SEC63: variants seen among roughly 807,000 people sequenced by gnomAD.
SEC63 encodes SEC63 protein translocation regulator, also known as translocation protein SEC63 homolog.
Under a neutral mutation model 116.2 loss-of-function variants are expected in SEC63, and 56 were observed. The observed-to-expected ratio is 0.48, with a 90% CI of 0.39 to 0.60. SEC63 has a LOEUF of 0.60. Among genes scored for constraint, SEC63 ranks in the 20% least tolerant of loss-of-function variants. SEC63 has a pLI of 0.00. For synonymous variants in SEC63, 273 were observed against 294.6 expected (o/e 0.93, Z 0.75); for missense variants, 668 against 900.0 (o/e 0.74, Z 3.30).
At chr6:107,919,386 G>A (rs1374205980) in intron 4 of SEC63, among the ~76,000 whole-genome samples, 1 of 152,204 alleles carries the variant, frequency 6.6e-6, no homozygotes, top group African/African-American at 2.4e-5. Context: ...TCTTATAGTT[G>A]AGCAAAGTAG....
chr6:107,876,514 G>A, intron 19 of SEC63, 50 bp downstream of exon 19: 2 of 1,054,430 alleles, frequency 1.9e-6, no homozygotes, highest in Non-Finnish European at 3.0e-6. Flanking sequence ...CAGCATGATG[G>A]TGACAGCTGT....
At chr6:107,941,555 G>GA (rs1365266458) in intron 1 of SEC63, among the ~76,000 whole-genome samples, 1 of 151,778 alleles carries the variant, frequency 6.6e-6, no homozygotes, top group South Asian at 2.1e-4. Flanking sequence ...TACAGTGGAA[G>GA]AAAAAAATCC....
chr6:107,907,323 C>A (rs1787169221), intron 8 of SEC63, among the ~76,000 whole-genome samples: 1 of 151,870 alleles, frequency 6.6e-6, no homozygotes, highest in African/African-American at 2.4e-5. Context: ...AATCCCAGCA[C>A]TTTGGGAGGC....
intron 1 of SEC63, among the ~76,000 whole-genome samples, chr6:107,938,413 A>G (rs2818200): frequency 0.98 from 148,353 of 151,862 alleles, 72,502 homozygotes; most frequent in African/African-American, 0.99. Context: ...ACTATGCCTG[A>G]CTAATTTTTT....
At chr6:107,919,821 CA>C (rs558973753) in intron 4 of SEC63, among the ~76,000 whole-genome samples, 203 of 129,170 alleles carry the variant, frequency 1.6e-3, no homozygotes, top group Non-Finnish European at 1.6e-3. Flanking sequence ...GACTCCATCT[CA>C]AAAAAAAAAA....
At chr6:107,947,498 G>C (rs1770501105) in intron 1 of SEC63, among the ~76,000 whole-genome samples, 1 of 151,914 alleles carries the variant, frequency 6.6e-6, no homozygotes, top group African/African-American at 2.4e-5. Flanking sequence ...GCTCAGCCCA[G>C]GAGATTGAGG....
chr6:107,951,771 C>T (rs1173127123), intron 1 of SEC63, among the ~76,000 whole-genome samples: 1 of 151,658 alleles, frequency 6.6e-6, no homozygotes, highest in Non-Finnish European at 1.5e-5. Flanking sequence ...ATCATGAGGT[C>T]AGGAGATCAA....
chr6:107,913,849 T>A (rs1331162251), intron 4 of SEC63, among the ~76,000 whole-genome samples: 3 of 152,214 alleles, frequency 2.0e-5, no homozygotes, highest in Admixed American at 6.5e-5. Flanking sequence ...TAAATACACA[T>A]TTTTTAAAAA....
At chr6:107,927,484 TAA>T (rs1787701841) in intron 2 of SEC63, among the ~76,000 whole-genome samples, 1 of 152,232 alleles carries the variant, frequency 6.6e-6, no homozygotes, top group Admixed American at 6.5e-5. Context: ...GATTAAGTAG[TAA>T]AAGTTTTAAT....
chr6:107,953,380 G>A (rs1364932448), intron 1 of SEC63, among the ~76,000 whole-genome samples: 4 of 152,212 alleles, frequency 2.6e-5, no homozygotes, highest in Admixed American at 6.5e-5. Context: ...GATTTGCCCC[G>A]TCCGGGAAGG....
chr6:107,921,917 A>G lies in SEC63; in HGVS notation c.340-8T>C, dbSNP rs1569556. 215 of 389,530 alleles carry G rather than the reference A, an allele frequency of 5.5e-4. 2 individuals carry two copies. Among genetic ancestry groups the G allele is most frequent in the Non-Finnish European group, 7.4e-5 (21 of 283,870 alleles). 24.1% of individuals were successfully genotyped at this position (389,530 alleles called of 1,614,324 possible). On this transcript the variant is annotated splice_region_variant and splice_polypyrimidine_tract_variant and intron_variant, in intron 3 of 20. Transcript: ENST00000369002. ...TTCTGCTACTGTGGCTCCCTGGGGA[A>G]AAACAAAAAAAAAAAACAAGCTTTC... is the stretch of plus-strand genomic sequence containing the variant.
chr6:107,894,915 T>A (rs969886940), intron 14 of SEC63, among the ~76,000 whole-genome samples: 4 of 152,082 alleles, frequency 2.6e-5, no homozygotes, highest in Non-Finnish European at 5.9e-5. Flanking sequence ...AAAACAAAGC[T>A]TTACTGGAAC....
intron 8 of SEC63, among the ~76,000 whole-genome samples, chr6:107,908,675 C>G (rs1270055333): frequency 6.6e-6 from 1 of 152,080 alleles, no homozygotes; most frequent in Non-Finnish European, 1.5e-5. Flanking sequence ...GCTAGAATTA[C>G]AAAATTTGCA....
intron 15 of SEC63, 44 bp from the exon 16 acceptor site, chr6:107,893,699 T>G (rs368009258): frequency 6.2e-7 from 1 of 1,610,272 alleles, no homozygotes; most frequent in Non-Finnish European, 8.5e-7. Context: ...TAGCAACAGA[T>G]TCAATTGAAG....
chr6:107,939,517 C>T (rs138683266), intron 1 of SEC63, among the ~76,000 whole-genome samples: 43 of 152,108 alleles, frequency 2.8e-4, no homozygotes, highest in African/African-American at 9.9e-4. Context: ...TTTGGGAGGC[C>T]GAGGCAGACG....
chr6:107,935,689 G>T (rs1770230812), intron 1 of SEC63, among the ~76,000 whole-genome samples: 1 of 149,296 alleles, frequency 6.7e-6, no homozygotes, highest in Non-Finnish European at 1.5e-5. Context: ...GAAAACCAGA[G>T]ACCTTTGTTC....
intron 4 of SEC63, among the ~76,000 whole-genome samples, chr6:107,920,287 G>A (rs1457931622): frequency 2.0e-5 from 3 of 151,660 alleles, no homozygotes; most frequent in Non-Finnish European, 2.9e-5. Context: ...TTAGCCGGGC[G>A]TGGTGGCAGG....
intron 16 of SEC63, among the ~76,000 whole-genome samples, chr6:107,891,275 T>TAAA (rs1786675440): frequency 1.3e-5 from 2 of 151,986 alleles, no homozygotes; most frequent in African/African-American, 4.8e-5. Flanking sequence ...TTTTCACTCT[T>TAAA]TTTTCTCTAA....
chr6:107,948,950 C>CATTG (rs1770527949), intron 1 of SEC63, among the ~76,000 whole-genome samples: 1 of 152,206 alleles, frequency 6.6e-6, no homozygotes, highest in Non-Finnish European at 1.5e-5. Context: ...TTCTGAACTA[C>CATTG]ATTGGGATGT....
Sources: allele counts gnomAD v4.1 joint callset (sites outside exome capture counted in the v4.1 genomes callset), GRCh38; gene constraint gnomAD v4.1.1; transcripts MANE v1.5; gene names NCBI Gene and HGNC (gene_info 2026-07-23, HGNC 2026-07-21).